WASF1: variants seen among roughly 807,000 people sequenced by gnomAD.
WASF1 encodes the protein actin-binding protein WASF1.
Under a neutral mutation model 50.5 loss-of-function variants are expected in WASF1, and 7 were observed. The observed-to-expected ratio is 0.14, with a 90% CI of 0.08 to 0.26. The LOEUF is 0.26. Among genes scored for constraint, WASF1 ranks in the 10% least tolerant of loss-of-function variants. The probability of loss-of-function intolerance (pLI) is 1.00; values close to 1 mark genes in which losing one functional copy is unlikely to be tolerated. For synonymous variants in WASF1, 205 were observed against 244.0 expected (o/e 0.84, Z 1.49); for missense variants, 470 against 694.7 (o/e 0.68, Z 3.64).
At chr6:110,176,589 C>T (rs1217417463) in intron 2 of WASF1, among the ~76,000 whole-genome samples, 1 of 151,956 alleles carries the variant, frequency 6.6e-6, no homozygotes. Flanking sequence ...AAAAATGTTT[C>T]ACTAAATATA....
At chr6:110,119,063 T>C (rs1213331555) in intron 4 of WASF1, among the ~76,000 whole-genome samples, 1 of 152,206 alleles carries the variant, frequency 6.6e-6, no homozygotes, top group Non-Finnish European at 1.5e-5. Flanking sequence ...GGGAAATTTA[T>C]AGCACTAAAT....
At chr6:110,148,825 G>T (rs1775696251) in intron 3 of WASF1, among the ~76,000 whole-genome samples, 1 of 152,152 alleles carries the variant, frequency 6.6e-6, no homozygotes, top group Non-Finnish European at 1.5e-5. Flanking sequence ...TAGTCACTTG[G>T]ACTATGTGAT....
intron 3 of WASF1, among the ~76,000 whole-genome samples, chr6:110,135,426 A>C (rs543810295): frequency 6.6e-6 from 1 of 152,196 alleles, no homozygotes; most frequent in South Asian, 2.1e-4. Context: ...ATTTTAAAAA[A>C]ATCATGCTAT....
At chr6:110,140,214 A>AT (rs1486040766) in intron 3 of WASF1, among the ~76,000 whole-genome samples, 1 of 152,226 alleles carries the variant, frequency 6.6e-6, no homozygotes, top group Admixed American at 6.5e-5. Context: ...CTAAACACTC[A>AT]TAAGGATGGG....
At chr6:110,174,485 ATTG>A (rs1776844777) in intron 2 of WASF1, among the ~76,000 whole-genome samples, 1 of 152,172 alleles carries the variant, frequency 6.6e-6, no homozygotes, top group African/African-American at 2.4e-5. Flanking sequence ...GGCAGGCAGA[ATTG>A]TTATTATCAA....
At chr6:110,139,125 A>C (rs1206037000) in intron 3 of WASF1, among the ~76,000 whole-genome samples, 1 of 152,160 alleles carries the variant, frequency 6.6e-6, no homozygotes, top group Non-Finnish European at 1.5e-5. Context: ...TTGAGCACAC[A>C]CACACCTGGC....
chr6:110,118,742 T>C (rs888539068), intron 4 of WASF1, among the ~76,000 whole-genome samples: 1 of 152,178 alleles, frequency 6.6e-6, no homozygotes. Context: ...AGAATATACA[T>C]TCTTCTCAGC....
At chr6:110,144,299 G>T (rs993970221) in intron 3 of WASF1, among the ~76,000 whole-genome samples, 3 of 151,972 alleles carry the variant, frequency 2.0e-5, no homozygotes, top group East Asian at 1.9e-4. Context: ...TCCCCACTTG[G>T]TGATGGGGTT....
chr6:110,137,481 C>T (rs989787834), intron 3 of WASF1, among the ~76,000 whole-genome samples: 9 of 152,294 alleles, frequency 5.9e-5, no homozygotes, highest in Middle Eastern at 3.4e-3. Context: ...CTCTATTTTG[C>T]GCCTTAAAGG....
At chr6:110,151,106 T>G (rs1451703060) in intron 3 of WASF1, among the ~76,000 whole-genome samples, 4 of 152,190 alleles carry the variant, frequency 2.6e-5, no homozygotes, top group African/African-American at 9.6e-5. Flanking sequence ...ATGGAGTAAA[T>G]GTGGAATGAC....
chr6:110,172,407 G>T lies in WASF1; in HGVS notation c.-127+6191C>A, dbSNP rs546482109. ...AGAGAAAAAAACAATGAAACTAAAT[G>T]AAGATTCCTTGAAAATAACAAAATT... is the stretch of plus-strand genomic sequence containing the variant. On this transcript the variant is annotated intron_variant, in intron 2 of 10. Coordinates refer to ENST00000392589, the MANE Select transcript of WASF1 (RefSeq NM_003931.3). Among the ~76,000 whole-genome samples, 6 of 152,050 alleles carry T rather than the reference G, an allele frequency of 3.9e-5. 1 individual carries two copies. The South Asian group carries it at 1.0e-3, about 26-fold the overall frequency.
chr6:110,130,624 A>G (rs1011195249), intron 3 of WASF1, among the ~76,000 whole-genome samples: 3 of 152,234 alleles, frequency 2.0e-5, no homozygotes, highest in Non-Finnish European at 4.4e-5. Context: ...TTCTAATGTT[A>G]ATGAATTGTT....
rs1773033098 is a variant in WASF1, at chr6:110,100,500, AAT to A, written c.*20_*21del. ...AAAGGACATTTGCATTCAGTTTTGT[AAT>A]ATTTATCAATGCATTTTTCTTACTC... is the stretch of plus-strand genomic sequence containing the variant. On this transcript the variant is annotated 3_prime_UTR_variant, in exon 11 of 11. Coordinates refer to ENST00000392589, the MANE Select transcript of WASF1 (RefSeq NM_003931.3). 3.1e-6 allele frequency: 5 copies of A among 1,590,042 alleles called. No homozygotes were observed. In the East Asian group the frequency reaches 1.1e-4, roughly 36 times the overall value.
chr6:110,107,183 T>A lies in WASF1; in HGVS notation c.434A>T (p.Lys145Ile). The change falls in exon 7 of 11, where the codon AAA becomes ATA. Residue 145 changes from lysine to isoleucine, a missense_variant. Lys to Ile is a moderately radical substitution (Grantham distance 102). This residue lies in a region of WASF1 where 140 missense variants were observed against 260.5 expected (regional missense o/e 0.54). Transcript: ENST00000392589. ...NILTPYRDDG[K>I]EGLKFYTNPS... ...ATTGGTATAAAACTTCAGACCTTCTTTACCATCATCTCTGAAATATAAAAT... is the reference window on the plus strand; with the variant it reads ...ATTGGTATAAAACTTCAGACCTTCTATACCATCATCTCTGAAATATAAAAT... 2 of 1,583,526 alleles carry A rather than the reference T, an allele frequency of 1.3e-6. No homozygotes were observed. The highest frequency in any genetic ancestry group is 1.7e-6 in the Non-Finnish European group (2 of 1,164,290).
chr6:110,115,720 T>C (rs973203700), intron 4 of WASF1, among the ~76,000 whole-genome samples: 25 of 152,130 alleles, frequency 1.6e-4, no homozygotes, highest in African/African-American at 2.2e-4. Context: ...TCATGAAAGT[T>C]TGGAGGGATT....
chr6:110,147,921 A>G (rs1357715218), intron 3 of WASF1, among the ~76,000 whole-genome samples: 1 of 151,984 alleles, frequency 6.6e-6, no homozygotes, highest in African/African-American at 2.4e-5. Flanking sequence ...TAATTTTTAA[A>G]TTTTTTGAAG....
chr6:110,113,365 A>T lies in WASF1; in HGVS notation c.229T>A (p.Ser77Thr). 1 of 1,604,796 alleles carries T rather than the reference A, an allele frequency of 6.2e-7. No homozygotes were observed. The highest frequency in any genetic ancestry group is 8.5e-7 in the Non-Finnish European group (1 of 1,176,208). ...GGATCAAGCTGTGTAACACTAACAG[A>T]TAAACGGTCCACACGTTCTTGCAAT... ...NSLQERVDRL[S>T]VSVTQLDPKE... Residue 77 changes from serine (S) to threonine (T), a missense_variant, in exon 5 of 11, where the codon TCT (serine) becomes ACT (threonine). By Grantham distance (58) the Ser-to-Thr change is moderately conservative (BLOSUM62 1). This residue lies in a region of WASF1 where 140 missense variants were observed against 260.5 expected (regional missense o/e 0.54). Transcript: ENST00000392589.
At chr6:110,107,822 G>A (rs1439253859) in intron 6 of WASF1, among the ~76,000 whole-genome samples, 1 of 151,928 alleles carries the variant, frequency 6.6e-6, no homozygotes, top group Non-Finnish European at 1.5e-5. Flanking sequence ...TTTTATAAAG[G>A]TACTACCTAT....
At chr6:110,135,604 A>G (rs1774910447) in intron 3 of WASF1, among the ~76,000 whole-genome samples, 1 of 152,046 alleles carries the variant, frequency 6.6e-6, no homozygotes, top group Admixed American at 6.6e-5. Flanking sequence ...AAAGCTACCC[A>G]TGATCTTATT....
Sources: gnomAD v4.1 joint callset for allele counts (sites outside exome capture counted in the v4.1 genomes callset) on GRCh38, gnomAD v4.1.1 for gene constraint, gnomAD v4.1.1 regional missense constraint, MANE v1.5 for transcripts, NCBI Gene and HGNC (gene_info 2026-07-23, HGNC 2026-07-21) for gene names.